The following LCLAT1 variants were observed in gnomAD, a reference collection of about 807,000 sequenced individuals.
LCLAT1 encodes the protein lysocardiolipin acyltransferase 1.
Under a neutral mutation model 30.7 loss-of-function variants are expected in LCLAT1, and 11 were observed. That is an observed-to-expected ratio of 0.36 (90% CI 0.23 to 0.59). LCLAT1 has a LOEUF of 0.59. Among genes scored for constraint, LCLAT1 ranks in the 20% least tolerant of loss-of-function variants. The pLI, the probability that LCLAT1 is intolerant of heterozygous loss-of-function variation, is 0.77. For missense variants in LCLAT1, 402 were observed against 458.6 expected (o/e 0.88, Z 1.13); for synonymous variants, 155 against 151.3 (o/e 1.02, Z -0.18).
chr2:30,455,514 C>A (rs1266520246), intron 1 of LCLAT1, among the ~76,000 whole-genome samples: 1 of 152,194 alleles, frequency 6.6e-6, no homozygotes, highest in Non-Finnish European at 1.5e-5. Flanking sequence ...CTTCTGGTGG[C>A]TGATGGCATT....
At chr2:30,478,776 C>T (rs1683174510) in intron 1 of LCLAT1, among the ~76,000 whole-genome samples, 1 of 152,122 alleles carries the variant, frequency 6.6e-6, no homozygotes, top group African/African-American at 2.4e-5. Context: ...CTTTCATAAC[C>T]AGAAACTACA....
At position 30,643,308 on chromosome 2, in the gene LCLAT1, A is replaced by C; in HGVS notation, c.*2689A>C. ...GCAAGTGTGGTTTATTTATGGCATG[A>C]ACCATGTAACTTGAAATATGAACTT... On this transcript the variant is annotated 3_prime_UTR_variant, in exon 6 of 6. Transcript: ENST00000379509. 9.1e-6 allele frequency: 1 copy of C among 109,342 alleles called. No homozygotes were observed. Among genetic ancestry groups the C allele is most frequent in the Non-Finnish European group, 1.8e-5 (1 of 54,070 alleles). The allele number at this position is 109,342 out of a possible 1,614,324, so 6.8% of individuals were successfully genotyped here. A position where few individuals can be genotyped will look rare whatever the true frequency, so the allele number is the denominator to read the frequency against.
At chr2:30,530,265 C>G (rs1482826267) in intron 2 of LCLAT1, among the ~76,000 whole-genome samples, 2 of 152,278 alleles carry the variant, frequency 1.3e-5, no homozygotes, top group East Asian at 3.9e-4. Flanking sequence ...AGAATAGTGT[C>G]TTTTTTCCCA....
intron 1 of LCLAT1, among the ~76,000 whole-genome samples, chr2:30,458,587 C>T (rs1361537903): frequency 1.3e-5 from 2 of 152,146 alleles, no homozygotes; most frequent in East Asian, 1.9e-4. Context: ...TTGACTTTTC[C>T]TTCTGACCCT....
At chr2:30,485,089 T>C (rs1168261144) in intron 1 of LCLAT1, among the ~76,000 whole-genome samples, 1 of 152,196 alleles carries the variant, frequency 6.6e-6, no homozygotes, top group Non-Finnish European at 1.5e-5. Flanking sequence ...TTAAGTCACT[T>C]AGTGTGATCT....
At chr2:30,552,638 C>T (rs933934154) in intron 3 of LCLAT1, 1 of 335,638 alleles carries the variant, frequency 3.0e-6, no homozygotes, top group African/African-American at 2.2e-5. Context: ...AGAGCATTAC[C>T]CAGTTTGTAA....
chr2:30,459,589 G>A (rs1208698305), intron 1 of LCLAT1: 1 of 1,516,406 alleles, frequency 6.6e-7, no homozygotes, highest in Non-Finnish European at 9.2e-7. Context: ...CTGGGAAGCT[G>A]GCAACAAATG....
At chr2:30,545,530 C>A (rs887918340) in intron 3 of LCLAT1, among the ~76,000 whole-genome samples, 1 of 151,952 alleles carries the variant, frequency 6.6e-6, no homozygotes, top group Non-Finnish European at 1.5e-5. Flanking sequence ...ACCTATGTAA[C>A]AGGGTAGGAA....
intron 1 of LCLAT1, among the ~76,000 whole-genome samples, chr2:30,473,786 T>C (rs925620527): frequency 1.3e-5 from 2 of 152,230 alleles, no homozygotes; most frequent in African/African-American, 4.8e-5. Context: ...TTCACCATTA[T>C]CTGCAGTCTG....
At chr2:30,487,402 T>A (rs1032645688) in intron 1 of LCLAT1, among the ~76,000 whole-genome samples, 9 of 152,190 alleles carry the variant, frequency 5.9e-5, no homozygotes, top group Admixed American at 1.3e-4. Context: ...AAACATAAAA[T>A]AGTGACATTT....
chr2:30,479,733 G>C lies in LCLAT1; in HGVS notation c.-5+32350G>C, dbSNP rs370554344. ...ACTAACTTTGTAAAAAATTTATTAAGTCATATACTTAGGATTTGTGTATTT... is the reference window on the plus strand; with the variant it reads ...ACTAACTTTGTAAAAAATTTATTAACTCATATACTTAGGATTTGTGTATTT... On this transcript the variant is annotated intron_variant, in intron 1 of 5. Transcript: ENST00000379509. Among the ~76,000 whole-genome samples, 91 of 152,224 alleles carry C rather than the reference G, an allele frequency of 6.0e-4. 1 individual carries two copies. The highest frequency in any genetic ancestry group is 2.0e-3 in the African/African-American group (85 of 41,522).
chr2:30,557,223 C>T (rs1350982992), intron 3 of LCLAT1, among the ~76,000 whole-genome samples: 2 of 151,000 alleles, frequency 1.3e-5, no homozygotes, highest in East Asian at 3.9e-4. Flanking sequence ...GAAGTAATTC[C>T]CTATGTATAG....
intron 1 of LCLAT1, among the ~76,000 whole-genome samples, chr2:30,508,075 G>A (rs1684756207): frequency 6.6e-6 from 1 of 152,074 alleles, no homozygotes; most frequent in African/African-American, 2.4e-5. Flanking sequence ...ATGCTCGTTG[G>A]CCACATGTAT....
chr2:30,589,260 T>C, intron 5 of LCLAT1, among the ~76,000 whole-genome samples: 1 of 152,220 alleles, frequency 6.6e-6, no homozygotes, highest in African/African-American at 2.4e-5. Flanking sequence ...CATGTTTAGT[T>C]TTACTGAGAA....
At chr2:30,554,254 C>T (rs1664817951) in intron 3 of LCLAT1, among the ~76,000 whole-genome samples, 1 of 152,182 alleles carries the variant, frequency 6.6e-6, no homozygotes, top group South Asian at 2.1e-4. Flanking sequence ...CAGTATTGTT[C>T]AGTCTAGAAC....
chr2:30,625,821 T>G lies in LCLAT1; in HGVS notation c.629-14296T>G, dbSNP rs147970082. 1.1e-3 allele frequency among the ~76,000 whole-genome samples: 171 copies of G among 152,348 alleles called. 2 individuals carry two copies. Among genetic ancestry groups the G allele is most frequent in the African/African-American group, 3.9e-3 (164 of 41,594 alleles). ...GTAAAGTAGCATAGTGGAAAGGCTTTAGAGTCATACGATAAGTGACCACTA... is the reference window on the plus strand; with the variant it reads ...GTAAAGTAGCATAGTGGAAAGGCTTGAGAGTCATACGATAAGTGACCACTA... On this transcript the variant is annotated intron_variant, in intron 5 of 5. Coordinates refer to ENST00000379509, the MANE Select transcript of LCLAT1 (RefSeq NM_001002257.3).
At chr2:30,583,417 T>C (rs1666290422) in intron 5 of LCLAT1, among the ~76,000 whole-genome samples, 4 of 152,234 alleles carry the variant, frequency 2.6e-5, no homozygotes, top group African/African-American at 9.6e-5. Flanking sequence ...CTGGCTGCCA[T>C]TGTCCTTACC....
intron 3 of LCLAT1, among the ~76,000 whole-genome samples, chr2:30,537,537 C>CAA: frequency 6.6e-6 from 1 of 151,894 alleles, no homozygotes; most frequent in East Asian, 1.9e-4. Flanking sequence ...CACACACACA[C>CAA]ACACACACGC....
At chr2:30,583,971 G>A (rs1391950054) in intron 5 of LCLAT1, among the ~76,000 whole-genome samples, 1 of 152,026 alleles carries the variant, frequency 6.6e-6, no homozygotes, top group Non-Finnish European at 1.5e-5. Context: ...AGGGATACGT[G>A]TGCCAAAGTG....
Sources: allele counts gnomAD v4.1 joint callset (sites outside exome capture counted in the v4.1 genomes callset), GRCh38; gene constraint gnomAD v4.1.1; transcripts MANE v1.5; gene names NCBI Gene and HGNC (gene_info 2026-07-23, HGNC 2026-07-21).